Variants in ANKRD17 observed in about 807,000 individuals in gnomAD.
ANKRD17 encodes ankyrin repeat domain-containing protein 17.
A neutral mutation model predicts 229.7 loss-of-function variants in ANKRD17; 19 were observed. That is an observed-to-expected ratio of 0.08 (90% CI 0.06 to 0.12). The LOEUF is 0.12. Ranked by LOEUF, ANKRD17 falls within the 10% of genes least tolerant of loss-of-function variation. ANKRD17 has a pLI of 1.00. For synonymous variants in ANKRD17, 1,112 were observed against 1,146.1 expected (o/e 0.97, Z 0.60); for missense variants, 2,176 against 3,176.8 (o/e 0.68, Z 7.57).
Position 73,098,441 on chromosome 4 carries a change from C to T in ANKRD17, c.4653G>A (p.Leu1551=). ...TATTTCTTTTACCATGAGAACCTGC[C>T]AAAGTTGTCCAGGTTGCAGATATAC... ...TIGISATWTT[L]AGSHGKRNNT... Residue 1551 remains leucine (L), a synonymous_variant, in exon 26 of 34, where the codon TTG becomes TTA. Transcript: ENST00000358602. The T allele has an allele frequency of 6.2e-7, 1 of 1,614,080 alleles. No homozygotes were observed. Among genetic ancestry groups the T allele is most frequent in the Non-Finnish European group, 8.5e-7 (1 of 1,180,016 alleles).
At position 73,140,301 on chromosome 4, in the gene ANKRD17, C is replaced by T. The variant is rs781343272; in HGVS notation, c.2333-18G>A. On this transcript the variant is annotated intron_variant, in intron 14 of 33. Coordinates refer to ENST00000358602, the MANE Select transcript of ANKRD17 (RefSeq NM_032217.5). ...AGAAGCAGCTGTGTGAAAAAGAAACCCCCTCAGAAGTGCACATGAATGGCA... is the reference window on the plus strand; with the variant it reads ...AGAAGCAGCTGTGTGAAAAAGAAACTCCCTCAGAAGTGCACATGAATGGCA... The T allele has an allele frequency of 1.3e-6, 2 of 1,563,354 alleles. No individual in the cohort carries two copies. The highest frequency in any genetic ancestry group is 1.7e-6 in the Non-Finnish European group (2 of 1,162,510).
At chr4:73,098,992 T>C (rs1432056530) in intron 25 of ANKRD17, 11 of 982,468 alleles carry the variant, frequency 1.1e-5, no homozygotes, top group African/African-American at 1.1e-4. Context: ...CTAAGAGACC[T>C]TGGGGCCAAC....
intron 16 of ANKRD17, among the ~76,000 whole-genome samples, chr4:73,133,979 G>A (rs1728577590): frequency 6.6e-6 from 1 of 152,162 alleles, no homozygotes; most frequent in Non-Finnish European, 1.5e-5. Context: ...TGGATATTAA[G>A]AGTAGCTACA....
chr4:73,148,674 A>G (rs1730611238), intron 8 of ANKRD17, 139 bp downstream of exon 8: 1 of 768,154 alleles, frequency 1.3e-6, no homozygotes, highest in Non-Finnish European at 2.1e-6. Context: ...CCATTTTCAC[A>G]GTAAATACTT....
chr4:73,151,352 G>T (rs1309847166), intron 7 of ANKRD17, 78 bp downstream of exon 7: 2 of 1,275,282 alleles, frequency 1.6e-6, no homozygotes, highest in African/African-American at 1.5e-5. Context: ...GCACCCATTG[G>T]AAAGGCATTC....
Position 73,092,261 on chromosome 4 carries a change from A to C in ANKRD17, c.5367T>G (p.Ile1789Met). 6.2e-7 allele frequency: 1 copy of C among 1,614,098 alleles called. No individual in the cohort carries two copies. The highest frequency in any genetic ancestry group is 8.5e-7 in the Non-Finnish European group (1 of 1,179,994). The change falls in exon 29 of 34, where the codon ATT becomes ATG. Residue 1789 changes from isoleucine to methionine, a missense_variant. Transcript: ENST00000358602. The part of the protein sequence containing the change: ...TESTRQATQL[I>M]NALIKDPDKE... Reference sequence around the variant, plus strand: ...TGTCTGGATCCTTGATCAAAGCATTAATCAATTGAGTTGCTTGTCTTGTTG... The same window carrying C: ...TGTCTGGATCCTTGATCAAAGCATTCATCAATTGAGTTGCTTGTCTTGTTG...
At chr4:73,082,615 T>C (rs1454582751) in intron 30 of ANKRD17, among the ~76,000 whole-genome samples, 1 of 152,220 alleles carries the variant, frequency 6.6e-6, no homozygotes, top group Non-Finnish European at 1.5e-5. Context: ...TCTCACAGTT[T>C]AGTTCAGTGT....
rs376174187 is a variant in ANKRD17 at position 73,085,449 on chromosome 4, A to G, written c.6962-3T>C. The G allele has an allele frequency of 3.7e-6, 6 of 1,610,262 alleles. No homozygotes were observed. Among genetic ancestry groups the G allele is most frequent in the African/African-American group, 2.7e-5 (2 of 74,808 alleles). ...TGGCGAGTCCATATTGACAATACCTATAATGTAGAAGGTCATCATAATTTA... is the reference window on the plus strand; with the variant it reads ...TGGCGAGTCCATATTGACAATACCTGTAATGTAGAAGGTCATCATAATTTA... On this transcript the variant is annotated splice_polypyrimidine_tract_variant and splice_region_variant and intron_variant, in intron 29 of 33. Coordinates refer to ENST00000358602, the MANE Select transcript of ANKRD17 (RefSeq NM_032217.5).
rs574553737 is a variant in ANKRD17 at position 73,101,535 on chromosome 4, C to T, written c.4573+841G>A. On this transcript the variant is annotated intron_variant, in intron 25 of 33. Transcript: ENST00000358602. ...CAAAAATTAGGGGGACATGGTGGCA[C>T]GTCCCTGTAGTCCCAGCTACTTGGG... 4.0e-5 allele frequency among the ~76,000 whole-genome samples: 6 copies of T among 151,766 alleles called. No homozygotes were observed. In the South Asian group the frequency reaches 6.3e-4, roughly 16 times the overall value.
intron 24 of ANKRD17, among the ~76,000 whole-genome samples, chr4:73,106,439 T>G (rs1396737869): frequency 6.6e-6 from 1 of 150,604 alleles, no homozygotes; most frequent in Admixed American, 6.6e-5. Flanking sequence ...TGAAAGTGAA[T>G]GGGATATGTG....
intron 2 of ANKRD17, among the ~76,000 whole-genome samples, chr4:73,167,340 A>G (rs1481635288): frequency 6.6e-6 from 1 of 152,210 alleles, no homozygotes; most frequent in Non-Finnish European, 1.5e-5. Context: ...GGGGAAGGCT[A>G]GCTTGTTAGC....
At chr4:73,191,714 G>A (rs1477799566) in intron 1 of ANKRD17, among the ~76,000 whole-genome samples, 1 of 151,800 alleles carries the variant, frequency 6.6e-6, no homozygotes, top group Non-Finnish European at 1.5e-5. Flanking sequence ...TTACAGAGTA[G>A]GCAATTCATA....
At position 73,113,889 on chromosome 4, in the gene ANKRD17, T is replaced by C. The variant is rs1725617819; in HGVS notation, c.4304A>G (p.His1435Arg). 3.7e-6 allele frequency: 6 copies of C among 1,611,706 alleles called. No individual in the cohort carries two copies. The highest frequency in any genetic ancestry group is 5.1e-6 in the Non-Finnish European group (6 of 1,178,640). ...TTGTACTATTGACTCCATACAAAGATGACACTTCTTCAGCATCTCCTATAA... is the reference window on the plus strand; with the variant it reads ...TTGTACTATTGACTCCATACAAAGACGACACTTCTTCAGCATCTCCTATAA... Reference protein sequence around the residue: ...ITDKEMLKKCHLCMESIVQAK... With the variant: ...ITDKEMLKKCRLCMESIVQAK... The change falls in exon 24 of 34, where the codon CAT becomes CGT. Residue 1435 changes from histidine to arginine, a missense_variant. His to Arg is a conservative substitution (Grantham distance 29, BLOSUM62 0). This residue lies in a region of ANKRD17 where 178 missense variants were observed against 421.7 expected (regional missense o/e 0.42). Coordinates refer to ENST00000358602, the MANE Select transcript of ANKRD17 (RefSeq NM_032217.5).
At chr4:73,158,394 T>C (rs1286813502) in intron 3 of ANKRD17, among the ~76,000 whole-genome samples, 1 of 152,200 alleles carries the variant, frequency 6.6e-6, no homozygotes, top group East Asian at 1.9e-4. Flanking sequence ...ACATTGGTCT[T>C]CTTGCTGTTC....
At chr4:73,100,663 A>G (rs1433886369) in intron 25 of ANKRD17, among the ~76,000 whole-genome samples, 1 of 152,152 alleles carries the variant, frequency 6.6e-6, no homozygotes, top group East Asian at 1.9e-4. Flanking sequence ...CATGATATGT[A>G]TAGCTTACCT....
intron 1 of ANKRD17, among the ~76,000 whole-genome samples, chr4:73,179,518 A>ATATATATATATTTTTTT (rs1192164276): frequency 2.2e-4 from 9 of 40,772 alleles, no homozygotes; most frequent in Non-Finnish European, 3.7e-4. Flanking sequence ...ATATATATAT[A>ATATATATATATTTTTTT]TTTTTTTTTT....
At chr4:73,163,568 T>C (rs1017629698) in intron 2 of ANKRD17, among the ~76,000 whole-genome samples, 10 of 152,236 alleles carry the variant, frequency 6.6e-5, no homozygotes, top group African/African-American at 9.6e-5. Flanking sequence ...CACAGATAAG[T>C]ATGTAACAGT....
chr4:73,169,992 G>A (rs1354839511), intron 2 of ANKRD17, among the ~76,000 whole-genome samples: 2 of 152,192 alleles, frequency 1.3e-5, no homozygotes, highest in Non-Finnish European at 2.9e-5. Context: ...CTGAGGGGCA[G>A]TCTAAGTCAC....
intron 15 of ANKRD17, among the ~76,000 whole-genome samples, chr4:73,136,991 T>TG (rs1728983384): frequency 6.6e-6 from 1 of 151,388 alleles, no homozygotes; most frequent in African/African-American, 2.4e-5. Flanking sequence ...TTTTTTTTTT[T>TG]TTTTTTTTTA....
Sources: allele counts gnomAD v4.1 joint callset (sites outside exome capture counted in the v4.1 genomes callset), GRCh38; gene constraint gnomAD v4.1.1; regional missense constraint gnomAD v4.1.1; transcripts MANE v1.5; gene names NCBI Gene and HGNC (gene_info 2026-07-23, HGNC 2026-07-21).